Variants in MAGI2 observed in about 807,000 individuals in gnomAD.
MAGI2 encodes the protein membrane associated guanylate kinase, WW and PDZ domain containing 2.
MAGI2 carries 35 observed loss-of-function variants against 133.3 expected under a neutral mutation model. The ratio of observed to expected loss-of-function variants is 0.26; its 90% CI spans 0.20 to 0.35. MAGI2 has a LOEUF of 0.35. Ranked by LOEUF, MAGI2 falls within the 10% of genes least tolerant of loss-of-function variation. MAGI2 has a pLI of 1.00. For synonymous variants in MAGI2, 729 were observed against 710.6 expected, an observed-to-expected ratio of 1.03 and a Z score of -0.41; for missense variants, 1,636 against 1,863.4, an observed-to-expected ratio of 0.88 and a Z score of 2.25.
chr7:78,529,667 G>GTTTTTTTTTTTTTTTTTTTTTTTTT (rs1563128653), intron 3 of MAGI2, among the ~76,000 whole-genome samples: 2 of 56,320 alleles, frequency 3.6e-5, no homozygotes, highest in African/African-American at 1.3e-4. Flanking sequence ...TAAAGGAGAT[G>GTTTTTTTTTTTTTTTTTTTTTTTTT]GTTTTTTTTT....
chr7:79,352,500 T>C (rs1318117976), intron 1 of MAGI2, among the ~76,000 whole-genome samples: 2 of 152,164 alleles, frequency 1.3e-5, no homozygotes, highest in Non-Finnish European at 2.9e-5. Context: ...CTGAAATGTG[T>C]AAACAAGGAG....
chr7:78,713,998 TC>T, intron 2 of MAGI2, among the ~76,000 whole-genome samples: 1 of 134,228 alleles, frequency 7.5e-6, no homozygotes, highest in Admixed American at 7.4e-5. Context: ...ACTGCCACAT[TC>T]TTTTTTTTTT....
chr7:79,391,510 T>TATATATATATATATATATAGAC (rs1563180474), intron 1 of MAGI2, among the ~76,000 whole-genome samples: 11 of 28,778 alleles, frequency 3.8e-4, no homozygotes, highest in African/African-American at 9.0e-4. Context: ...TATATAGACA[T>TATATATATATATATATATAGAC]ATATATATAT....
chr7:79,212,862 T>C (rs1022371721), intron 1 of MAGI2, among the ~76,000 whole-genome samples: 2 of 152,006 alleles, frequency 1.3e-5, no homozygotes, highest in African/African-American at 4.8e-5. Context: ...ATTGCTGAAA[T>C]GGTAGGACAG....
chr7:78,670,322 T>A (rs546762186), intron 2 of MAGI2, among the ~76,000 whole-genome samples: 9 of 152,258 alleles, frequency 5.9e-5, no homozygotes, highest in African/African-American at 1.9e-4. Flanking sequence ...CCATTCACAA[T>A]TGCTTCAAAG....
At chr7:78,062,226 T>G (rs1431523957) in intron 21 of MAGI2, among the ~76,000 whole-genome samples, 1 of 152,260 alleles carries the variant, frequency 6.6e-6, no homozygotes, top group Non-Finnish European at 1.5e-5. Flanking sequence ...CCCCCATGGC[T>G]GGAGCTAAGT....
intron 6 of MAGI2, among the ~76,000 whole-genome samples, chr7:78,377,144 C>T (rs1212407680): frequency 1.3e-5 from 2 of 152,028 alleles, no homozygotes; most frequent in Admixed American, 6.6e-5. Context: ...TCTCTACTTA[C>T]CCCTTAAAAA....
At chr7:78,801,543 C>A (rs908846262) in intron 2 of MAGI2, among the ~76,000 whole-genome samples, 33 of 152,060 alleles carry the variant, frequency 2.2e-4, no homozygotes, top group African/African-American at 6.3e-4. Context: ...AGGAGTGTTA[C>A]CTCTGCAAAC....
chr7:78,183,268 A>ATTT (rs35853118), intron 13 of MAGI2, among the ~76,000 whole-genome samples: 5 of 137,432 alleles, frequency 3.6e-5, no homozygotes, highest in African/African-American at 8.0e-5. Flanking sequence ...GTATTTTTGT[A>ATTT]TTTTTTTTTT....
chr7:79,105,877 G>A (rs1201867662), intron 1 of MAGI2, among the ~76,000 whole-genome samples: 1 of 151,528 alleles, frequency 6.6e-6, no homozygotes, highest in African/African-American at 2.4e-5. Flanking sequence ...CAGACTTTCA[G>A]AGTCACAGGT....
chr7:78,096,984 C>T lies in MAGI2; in HGVS notation c.3568-17899G>A, dbSNP rs1375383903. ...AACTTTACAAGAGAACAAACAACCC[C>T]ATTAAAAAGTGGGCAAAGGACAAGA... On this transcript the variant is annotated intron_variant, in intron 20 of 21. Coordinates refer to ENST00000354212, the MANE Select transcript of MAGI2 (RefSeq NM_012301.4). Among the ~76,000 whole-genome samples the T allele has an allele frequency of 3.9e-5, 6 of 152,030 alleles. 1 individual carries two copies. The East Asian group carries it at 5.8e-4, about 15-fold the overall frequency.
At chr7:78,348,649 CCTTT>C (rs1554357967) in intron 7 of MAGI2, among the ~76,000 whole-genome samples, 8 of 152,096 alleles carry the variant, frequency 5.3e-5, no homozygotes, top group Non-Finnish European at 8.8e-5. Flanking sequence ...AAGCATTTAT[CCTTT>C]AAGTAACAAA....
chr7:79,043,562 A>AG (rs1811883206), intron 1 of MAGI2, among the ~76,000 whole-genome samples: 1 of 150,884 alleles, frequency 6.6e-6, no homozygotes, highest in Non-Finnish European at 1.5e-5. Context: ...AAAAAAAAAA[A>AG]AAGAAATTGA....
chr7:79,305,128 T>C (rs972627133), intron 1 of MAGI2, among the ~76,000 whole-genome samples: 2 of 152,208 alleles, frequency 1.3e-5, no homozygotes, highest in Non-Finnish European at 1.5e-5. Context: ...TCTTACATTA[T>C]CATTTTCTTG....
rs10672746 is a variant in MAGI2, at chr7:78,765,343, C to CTTTTTTTT, written c.419-138112_419-138105dup. 7.4e-4 allele frequency among the ~76,000 whole-genome samples: 66 copies of CTTTTTTTT among 89,064 alleles called. 6 individuals carry two copies. The highest frequency in any genetic ancestry group is 1.8e-3 in the African/African-American group (39 of 21,460). 58.4% of individuals were successfully genotyped at this position (89,064 alleles called of 152,430 possible). ...CATTTAACAAATGTTTAGTGCACAT[C>CTTTTTTTT]TTTTTTTTTTTTTTTTTTTTTTGAG... is the stretch of plus-strand genomic sequence containing the variant. On this transcript the variant is annotated intron_variant, in intron 2 of 21. Coordinates refer to ENST00000354212, the MANE Select transcript of MAGI2 (RefSeq NM_012301.4).
At chr7:78,957,838 T>G (rs1472614197) in intron 2 of MAGI2, among the ~76,000 whole-genome samples, 1 of 152,170 alleles carries the variant, frequency 6.6e-6, no homozygotes, top group Non-Finnish European at 1.5e-5. Context: ...TGCTCTTTGT[T>G]TTTAAATTCC....
At chr7:79,098,522 G>T (rs1473897723) in intron 1 of MAGI2, among the ~76,000 whole-genome samples, 2 of 152,194 alleles carry the variant, frequency 1.3e-5, no homozygotes, top group African/African-American at 4.8e-5. Flanking sequence ...AGTTTTGCCA[G>T]TGGAGTGTGT....
At chr7:79,425,956 T>A (rs1447095617) in intron 1 of MAGI2, among the ~76,000 whole-genome samples, 2 of 152,096 alleles carry the variant, frequency 1.3e-5, no homozygotes, top group African/African-American at 4.8e-5. Flanking sequence ...ACATAATTTT[T>A]AAAAAAGAAT....
chr7:78,886,774 A>ATT (rs1796304247), intron 2 of MAGI2, among the ~76,000 whole-genome samples: 1 of 152,158 alleles, frequency 6.6e-6, no homozygotes, highest in African/African-American at 2.4e-5. Flanking sequence ...TTAACTCAAA[A>ATT]TTTCCTTTGA....
Sources: gnomAD v4.1 joint callset for allele counts (sites outside exome capture counted in the v4.1 genomes callset) on GRCh38, gnomAD v4.1.1 for gene constraint, MANE v1.5 for transcripts, NCBI Gene and HGNC (gene_info 2026-07-23, HGNC 2026-07-21) for gene names.